The following SMAP1 variants were observed in gnomAD, a reference collection of about 807,000 sequenced individuals.
The protein encoded by SMAP1 is stromal membrane-associated protein 1.
A neutral mutation model predicts 58.5 loss-of-function variants in SMAP1; 24 were observed. That is an observed-to-expected ratio of 0.41 (90% CI 0.30 to 0.58). The LOEUF is 0.58. SMAP1 is among the 20% of genes least tolerant of loss of function. The pLI is 0.29. For missense variants in SMAP1, 563 were observed against 566.3 expected (o/e 0.99, Z 0.06); for synonymous variants, 216 against 196.6 (o/e 1.10, Z -0.82).
intron 6 of SMAP1, among the ~76,000 whole-genome samples, chr6:70,807,971 AATTATAT>A (rs564489914): frequency 6.6e-6 from 1 of 151,018 alleles, no homozygotes; most frequent in East Asian, 1.9e-4. Context: ...ATATATTCTT[AATTATAT>A]ATTATATATA....
In SMAP1 at chr6:70,804,430, G is replaced by A. The variant is rs12528053; in HGVS notation, c.576+5693G>A. Among the ~76,000 whole-genome samples the A allele has an allele frequency of 5.4e-3, 816 of 151,944 alleles. 2 individuals are homozygous for A. Among genetic ancestry groups the A allele is most frequent in the Admixed American group, 9.6e-3 (146 of 15,258 alleles). The stretch of plus-strand genomic sequence containing the variant: ...CTCCTGAATACAGCACGCTGATGGT[G>A]ATGGGTTTTGACTCTATCCAGTTTG... On this transcript the variant is annotated intron_variant, in intron 6 of 10. Coordinates refer to ENST00000370455, the MANE Select transcript of SMAP1 (RefSeq NM_001044305.3).
intron 1 of SMAP1, among the ~76,000 whole-genome samples, chr6:70,673,006 C>G (rs557824854): frequency 1.2e-4 from 18 of 151,870 alleles, no homozygotes; most frequent in Non-Finnish European, 2.2e-4. Flanking sequence ...GGATTGCAGG[C>G]AAATCCTGAG....
At chr6:70,773,300 A>G (rs997232036) in intron 3 of SMAP1, 50 bp from the exon 4 acceptor site, 2 of 1,108,076 alleles carry the variant, frequency 1.8e-6, no homozygotes, top group Non-Finnish European at 1.3e-6. Flanking sequence ...AATAAAGGGA[A>G]GTGTACATAT....
intron 1 of SMAP1, among the ~76,000 whole-genome samples, chr6:70,710,231 G>A (rs982856706): frequency 1.3e-5 from 2 of 152,034 alleles, no homozygotes; most frequent in African/African-American, 4.8e-5. Context: ...GGTAGCTCAC[G>A]CCTGTAATCC....
intron 2 of SMAP1, among the ~76,000 whole-genome samples, chr6:70,739,983 A>G (rs1765750939): frequency 6.6e-6 from 1 of 151,846 alleles, no homozygotes; most frequent in Non-Finnish European, 1.5e-5. Context: ...CTTTAATTTT[A>G]TATGTTTTTT....
intron 4 of SMAP1, among the ~76,000 whole-genome samples, chr6:70,774,149 A>G (rs1190097786): frequency 6.6e-6 from 1 of 152,182 alleles, no homozygotes; most frequent in Non-Finnish European, 1.5e-5. Flanking sequence ...AGTAGGTTGT[A>G]CCATCTAGGT....
rs3034191 is a variant in SMAP1, at chr6:70,834,371, C to CAAAA, written c.577-2558_577-2555dup. Among the ~76,000 whole-genome samples, 1,359 of 136,326 alleles carry CAAAA rather than the reference C, an allele frequency of 1.0e-2. 13 individuals are homozygous for CAAAA. Among genetic ancestry groups the CAAAA allele is most frequent in the Non-Finnish European group, 0.015 (949 of 63,568 alleles). 89.4% of individuals were successfully genotyped at this position (136,326 alleles called of 152,430 possible). Reference sequence around the variant, plus strand: ...TGGAAGAAGATTCAGTAAAATACACCAAAAAAAAAAAAAAAGAATGCTAAA... The same window carrying CAAAA: ...TGGAAGAAGATTCAGTAAAATACACCAAAAAAAAAAAAAAAAAAAGAATGCTAAA... On this transcript the variant is annotated intron_variant, in intron 6 of 10. Coordinates refer to ENST00000370455, the MANE Select transcript of SMAP1 (RefSeq NM_001044305.3).
chr6:70,833,242 C>T (rs1237393498), intron 6 of SMAP1, among the ~76,000 whole-genome samples: 1 of 152,074 alleles, frequency 6.6e-6, no homozygotes, highest in African/African-American at 2.4e-5. Context: ...CTTATGTTTA[C>T]AATTATCAGT....
intron 2 of SMAP1, among the ~76,000 whole-genome samples, chr6:70,752,278 T>G (rs1257173327): frequency 1.3e-5 from 2 of 152,194 alleles, no homozygotes; most frequent in East Asian, 3.8e-4. Context: ...AGCCTGCTGT[T>G]AGTAAGCCCT....
chr6:70,676,462 G>C (rs1405390480), intron 1 of SMAP1, among the ~76,000 whole-genome samples: 1 of 152,142 alleles, frequency 6.6e-6, no homozygotes, highest in African/African-American at 2.4e-5. Flanking sequence ...GATGAGATAG[G>C]GGTGGGAATC....
chr6:70,726,356 C>T (rs1268813093), intron 1 of SMAP1, among the ~76,000 whole-genome samples: 1 of 152,072 alleles, frequency 6.6e-6, no homozygotes, highest in Non-Finnish European at 1.5e-5. Flanking sequence ...ACAGAACATA[C>T]AGAGATCAAT....
chr6:70,852,652 G>T lies in SMAP1; in HGVS notation c.777G>T (p.Met259Ile), dbSNP rs1195830305. The T allele has an allele frequency of 6.2e-7, 1 of 1,605,130 alleles. No homozygotes were observed. Among genetic ancestry groups the T allele is most frequent in the South Asian group, 1.1e-5 (1 of 88,970 alleles). The change falls in exon 8 of 11, where the codon ATG becomes ATT. Residue 259 changes from methionine (M) to isoleucine (I), a missense_variant. Physicochemically the swap from Met to Ile is conservative, Grantham distance 10. This residue lies in a region of SMAP1 where 494 missense variants were observed against 473.8 expected (regional missense o/e 1.04). Coordinates refer to ENST00000370455, the MANE Select transcript of SMAP1 (RefSeq NM_001044305.3). ...MISNPLPATV[M>I]PPAQGTPSAP... ...CTAATCCCTTACCTGCAACTGTCAT[G>T]CCCCCAGCTCAGGTATGTGATAAGA...
intron 1 of SMAP1, among the ~76,000 whole-genome samples, chr6:70,697,864 T>G (rs1208348146): frequency 6.6e-6 from 1 of 152,238 alleles, no homozygotes; most frequent in East Asian, 1.9e-4. Context: ...TATTGTATTG[T>G]GTCTTGAAAA....
intron 4 of SMAP1, among the ~76,000 whole-genome samples, chr6:70,784,298 G>A (rs1023812003): frequency 2.6e-5 from 4 of 151,886 alleles, no homozygotes; most frequent in African/African-American, 9.7e-5. Context: ...AGCTCCTGAA[G>A]GAAGCACTAA....
At chr6:70,833,682 G>C (rs1298577583) in intron 6 of SMAP1, among the ~76,000 whole-genome samples, 1 of 152,194 alleles carries the variant, frequency 6.6e-6, no homozygotes, top group African/African-American at 2.4e-5. Context: ...TTATGATCCA[G>C]ATTTGTGCTC....
chr6:70,826,393 AT>A (rs5877261), intron 6 of SMAP1, among the ~76,000 whole-genome samples: 1,542 of 144,210 alleles, frequency 0.011, 4 homozygotes, highest in Non-Finnish European at 0.017. Context: ...ATTCAAAAGG[AT>A]TTTTTTTTTT....
chr6:70,730,699 A>G (rs938256761), intron 1 of SMAP1, among the ~76,000 whole-genome samples: 2 of 152,196 alleles, frequency 1.3e-5, no homozygotes, highest in Non-Finnish European at 2.9e-5. Context: ...ATTTTACTAT[A>G]TTGTACTTAC....
chr6:70,723,557 T>C (rs1202778262), intron 1 of SMAP1, among the ~76,000 whole-genome samples: 5 of 152,238 alleles, frequency 3.3e-5, no homozygotes, highest in African/African-American at 4.8e-5. Flanking sequence ...TTCTCACCTG[T>C]ACTCCCTATC....
rs1582334002 is a variant in SMAP1 at position 70,861,919 on chromosome 6, C to T, written c.*1585C>T. ...GATTCTTGCATCCCTGGCTGGGATCCACGACGCTTAAATACAGCTTTTGGA... is the reference window on the plus strand; with the variant it reads ...GATTCTTGCATCCCTGGCTGGGATCTACGACGCTTAAATACAGCTTTTGGA... On this transcript the variant is annotated 3_prime_UTR_variant, in exon 11 of 11. Transcript: ENST00000370455. 3.1e-6 allele frequency: 5 copies of T among 1,613,712 alleles called. No individual in the cohort carries two copies. The highest frequency in any genetic ancestry group is 1.3e-5 in the African/African-American group (1 of 74,842).
Sources: allele counts gnomAD v4.1 joint callset (sites outside exome capture counted in the v4.1 genomes callset), GRCh38; gene constraint gnomAD v4.1.1; regional missense constraint gnomAD v4.1.1; transcripts MANE v1.5; gene names NCBI Gene and HGNC (gene_info 2026-07-23, HGNC 2026-07-21).